GRAMD2B: variants seen among roughly 807,000 people sequenced by gnomAD.
The protein encoded by GRAMD2B is GRAM domain-containing protein 2B.
A neutral mutation model predicts 59.2 loss-of-function variants in GRAMD2B; 41 were observed. The ratio of observed to expected loss-of-function variants is 0.69; its 90% CI spans 0.54 to 0.90. The LOEUF (loss-of-function observed/expected upper bound fraction) is 0.90. Ranked by LOEUF, GRAMD2B falls within the 40% of genes least tolerant of loss-of-function variation. The probability of loss-of-function intolerance (pLI) is 0.00; values close to 1 mark genes in which losing one functional copy is unlikely to be tolerated. For missense variants in GRAMD2B, 424 were observed against 500.5 expected, an observed-to-expected ratio of 0.85 and a Z score of 1.46; for synonymous variants, 161 against 182.7, an observed-to-expected ratio of 0.88 and a Z score of 0.96.
At chr5:126,461,739 G>A (rs1181311286) in intron 1 of GRAMD2B, among the ~76,000 whole-genome samples, 1 of 152,208 alleles carries the variant, frequency 6.6e-6, no homozygotes, top group African/African-American at 2.4e-5. Context: ...GGTGGAGGCT[G>A]TAGTGAGCAG....
At chr5:126,417,392 T>C (rs1373300079) in intron 1 of GRAMD2B, among the ~76,000 whole-genome samples, 1 of 152,254 alleles carries the variant, frequency 6.6e-6, no homozygotes, top group South Asian at 2.1e-4. Context: ...GCTAGCCACG[T>C]GGAGCACTGC....
At chr5:126,441,590 T>C (rs1763300220) in intron 1 of GRAMD2B, among the ~76,000 whole-genome samples, 1 of 152,248 alleles carries the variant, frequency 6.6e-6, no homozygotes, top group Admixed American at 6.5e-5. Flanking sequence ...TCCTTCTCTT[T>C]ATTTAGGCCA....
chr5:126,423,689 A>C lies in GRAMD2B; in HGVS notation c.83A>C (p.His28Pro). 6.2e-7 allele frequency: 1 copy of C among 1,605,796 alleles called. No homozygotes were observed. Among genetic ancestry groups the C allele is most frequent in the Non-Finnish European group, 8.5e-7 (1 of 1,176,724 alleles). ...AGGGAGAGCAAACTTGGCTCAGCCC[A>C]GTGAGTATTCTCAGCTGGGACCCAT... The part of the protein sequence containing the change: ...GKRESKLGSA[H>P]SEAENGVEEK... The change falls in exon 1 of 14, where the codon CAC (histidine) becomes CCC (proline). Residue 28 changes from histidine to proline, a missense_variant and splice_region_variant. Physicochemically the swap from His to Pro is moderately conservative, Grantham distance 77 (BLOSUM62 -2). Coordinates refer to ENST00000285689, the MANE Select transcript of GRAMD2B (RefSeq NM_023927.4).
At chr5:126,478,368 G>T (rs900854503) in intron 6 of GRAMD2B, among the ~76,000 whole-genome samples, 3 of 152,110 alleles carry the variant, frequency 2.0e-5, no homozygotes, top group Non-Finnish European at 4.4e-5. Flanking sequence ...AGCCCAGGAG[G>T]TAAAGGCTGC....
At chr5:126,379,340 A>G (rs1314951228) in intron 1 of GRAMD2B, among the ~76,000 whole-genome samples, 2 of 152,092 alleles carry the variant, frequency 1.3e-5, no homozygotes, top group African/African-American at 4.8e-5. Flanking sequence ...TATTTTTGCA[A>G]TTGTGAATTG....
At chr5:126,374,365 T>C (rs1301528559) in intron 1 of GRAMD2B, among the ~76,000 whole-genome samples, 3 of 152,232 alleles carry the variant, frequency 2.0e-5, no homozygotes, top group Admixed American at 1.3e-4. Context: ...TTTTCTCTTC[T>C]ATAAAATGCC....
chr5:126,412,205 T>C (rs891278277), intron 1 of GRAMD2B, among the ~76,000 whole-genome samples: 9 of 152,204 alleles, frequency 5.9e-5, no homozygotes, highest in African/African-American at 9.6e-5. Context: ...GGGAAAATGC[T>C]TTCAGTTTTT....
At chr5:126,408,591 A>T (rs559543810) in intron 1 of GRAMD2B, among the ~76,000 whole-genome samples, 1 of 150,638 alleles carries the variant, frequency 6.6e-6, no homozygotes, top group African/African-American at 2.4e-5. Flanking sequence ...ATGTGGCCTG[A>T]TTTGTGACTG....
intron 1 of GRAMD2B, among the ~76,000 whole-genome samples, chr5:126,430,352 T>G (rs1289997153): frequency 6.6e-6 from 1 of 152,224 alleles, no homozygotes; most frequent in African/African-American, 2.4e-5. Flanking sequence ...GCATAGTATT[T>G]GTAACAACTT....
chr5:126,445,825 C>A (rs1156681169), intron 1 of GRAMD2B, among the ~76,000 whole-genome samples: 1 of 152,140 alleles, frequency 6.6e-6, no homozygotes, highest in Admixed American at 6.5e-5. Flanking sequence ...TTCAAGAGAG[C>A]CGAATCTGAC....
chr5:126,400,756 C>T (rs1580799961), intron 1 of GRAMD2B, among the ~76,000 whole-genome samples: 1 of 152,064 alleles, frequency 6.6e-6, no homozygotes, highest in Non-Finnish European at 1.5e-5. Context: ...TCTTTCAGCA[C>T]TTTGAAAATA....
chr5:126,488,100 T>A (rs1428598181), intron 12 of GRAMD2B, among the ~76,000 whole-genome samples: 2 of 152,232 alleles, frequency 1.3e-5, no homozygotes, highest in Non-Finnish European at 2.9e-5. Flanking sequence ...TTTAGGTGGC[T>A]TACATGTATG....
At chr5:126,469,108 G>A (rs768268043) in intron 2 of GRAMD2B, among the ~76,000 whole-genome samples, 4 of 151,990 alleles carry the variant, frequency 2.6e-5, no homozygotes, top group African/African-American at 4.8e-5. Context: ...AAATAGTTTC[G>A]TTTTAAAATG....
chr5:126,442,502 G>A (rs1370434710), intron 1 of GRAMD2B, among the ~76,000 whole-genome samples: 1 of 152,004 alleles, frequency 6.6e-6, no homozygotes, highest in Non-Finnish European at 1.5e-5. Context: ...ATGTTGGCCA[G>A]GCTAGTCTCA....
At chr5:126,379,919 AC>A (rs1755518976) in intron 1 of GRAMD2B, among the ~76,000 whole-genome samples, 1 of 151,982 alleles carries the variant, frequency 6.6e-6, no homozygotes, top group Middle Eastern at 3.2e-3. Flanking sequence ...TACTTAAGTC[AC>A]ACCTATTTAT....
chr5:126,360,994 G>A (rs1754193264), intron 1 of GRAMD2B, among the ~76,000 whole-genome samples: 1 of 152,194 alleles, frequency 6.6e-6, no homozygotes, highest in Non-Finnish European at 1.5e-5. Flanking sequence ...CTCCTTGTAA[G>A]CAGGCACTAT....
At chr5:126,453,204 A>G (rs1484100807) in intron 1 of GRAMD2B, among the ~76,000 whole-genome samples, 2 of 152,172 alleles carry the variant, frequency 1.3e-5, no homozygotes, top group Non-Finnish European at 2.9e-5. Context: ...GCATGATGGC[A>G]CATGCCTGTA....
intron 1 of GRAMD2B, among the ~76,000 whole-genome samples, chr5:126,363,928 T>C (rs1754329894): frequency 6.6e-6 from 1 of 152,190 alleles, no homozygotes; most frequent in African/African-American, 2.4e-5. Context: ...TCTGTAAATG[T>C]ACTAAAGCCA....
intron 9 of GRAMD2B, 129 bp from the exon 10 acceptor site, chr5:126,484,273 T>C: frequency 9.4e-7 from 1 of 1,059,574 alleles, no homozygotes; most frequent in Non-Finnish European, 1.4e-6. Flanking sequence ...CCACCACAAC[T>C]AACTTGTGAG....
Sources: gnomAD v4.1 joint callset for allele counts (sites outside exome capture counted in the v4.1 genomes callset) on GRCh38, gnomAD v4.1.1 for gene constraint, MANE v1.5 for transcripts, NCBI Gene and HGNC (gene_info 2026-07-23, HGNC 2026-07-21) for gene names.